PHKB: variants seen among roughly 807,000 people sequenced by gnomAD.
PHKB encodes the protein phosphorylase kinase regulatory subunit beta, also known as phosphorylase b kinase regulatory subunit beta.
In PHKB, 122 loss-of-function variants were observed where a neutral mutation model predicts 152.1. The ratio of observed to expected loss-of-function variants is 0.80; its 90% CI spans 0.69 to 0.93. The LOEUF is 0.93. Among genes scored for constraint, PHKB ranks in the 40% least tolerant of loss-of-function variants. The pLI is 0.00. For synonymous variants in PHKB, 436 were observed against 464.9 expected (o/e 0.94, Z 0.80); for missense variants, 1,304 against 1,328.4 (o/e 0.98, Z 0.29).
At chr16:47,612,007 G>C (rs142335279) in intron 14 of PHKB, among the ~76,000 whole-genome samples, 18 of 152,294 alleles carry the variant, frequency 1.2e-4, no homozygotes, top group African/African-American at 3.4e-4. Flanking sequence ...ACTTGGCGAC[G>C]TGTTGGGGAA....
chr16:47,572,769 G>C (rs749180533), intron 7 of PHKB, among the ~76,000 whole-genome samples: 8 of 152,172 alleles, frequency 5.3e-5, no homozygotes, highest in Non-Finnish European at 1.2e-4. Context: ...AATGTACTGG[G>C]TACATGAACA....
chr16:47,591,283 A>G (rs1972024656), intron 10 of PHKB, among the ~76,000 whole-genome samples: 1 of 152,078 alleles, frequency 6.6e-6, no homozygotes, highest in Non-Finnish European at 1.5e-5. Context: ...GGTGCCACAC[A>G]TCTGAAAAGC....
intron 7 of PHKB, among the ~76,000 whole-genome samples, chr16:47,579,761 G>A (rs755311896): frequency 1.1e-4 from 17 of 152,080 alleles, no homozygotes; most frequent in Non-Finnish European, 2.2e-4. Context: ...CAAAAAATAA[G>A]AGATAAGGTG....
At chr16:47,570,268 C>T (rs1971635769) in intron 7 of PHKB, among the ~76,000 whole-genome samples, 1 of 152,144 alleles carries the variant, frequency 6.6e-6, no homozygotes, top group Non-Finnish European at 1.5e-5. Flanking sequence ...TGGTGATCTC[C>T]TTTTTTCAAT....
chr16:47,669,094 C>G, intron 25 of PHKB, 121 bp from the exon 26 acceptor site: 2 of 716,658 alleles, frequency 2.8e-6, no homozygotes, highest in Non-Finnish European at 4.9e-6. Flanking sequence ...GTTATTCTAC[C>G]TAATTCCCTA....
intron 6 of PHKB, among the ~76,000 whole-genome samples, chr16:47,520,226 TAGAA>T (rs1970662916): frequency 6.6e-6 from 1 of 152,190 alleles, no homozygotes; most frequent in Non-Finnish European, 1.5e-5. Context: ...CCTCTAAAAA[TAGAA>T]AGATAACACT....
intron 14 of PHKB, among the ~76,000 whole-genome samples, chr16:47,623,986 G>A (rs897094972): frequency 5.3e-5 from 8 of 152,280 alleles, no homozygotes; most frequent in Middle Eastern, 3.4e-3. Context: ...TAATGCCTAA[G>A]AAACCTGCCT....
chr16:47,518,730 G>A (rs1340334809), intron 6 of PHKB, among the ~76,000 whole-genome samples: 3 of 152,054 alleles, frequency 2.0e-5, no homozygotes, highest in Non-Finnish European at 2.9e-5. Flanking sequence ...ACTGCTGTTT[G>A]CTTTCTTCAT....
At chr16:47,663,163 G>T (rs1283170442) in intron 23 of PHKB, among the ~76,000 whole-genome samples, 1 of 152,024 alleles carries the variant, frequency 6.6e-6, no homozygotes, top group Non-Finnish European at 1.5e-5. Flanking sequence ...GTCACATTGT[G>T]ATTTTACGGG....
chr16:47,508,378 A>G (rs916951055), intron 4 of PHKB, among the ~76,000 whole-genome samples: 17 of 152,178 alleles, frequency 1.1e-4, no homozygotes, highest in African/African-American at 3.6e-4. Context: ...TCAATCTGCA[A>G]TTAGTTTGGA....
chr16:47,561,709 T>G (rs1971478797), intron 7 of PHKB: 1 of 152,188 alleles, frequency 6.6e-6, no homozygotes, highest in African/African-American at 2.4e-5. Context: ...ATAGCAATTA[T>G]TTTCTCCTCT....
chr16:47,548,023 AG>A (rs959218972), intron 7 of PHKB: 57 of 173,416 alleles, frequency 3.3e-4, no homozygotes, highest in African/African-American at 1.3e-3. Flanking sequence ...GTTACCAGTA[AG>A]GTGTGTGATC....
At chr16:47,540,262 C>T (rs745872265) in intron 6 of PHKB, among the ~76,000 whole-genome samples, 68 of 148,556 alleles carry the variant, frequency 4.6e-4, no homozygotes, top group Non-Finnish European at 6.1e-4. Context: ...CCCCCCTCCC[C>T]GGTAAATTTG....
At chr16:47,675,748 A>C (rs1441486036) in intron 26 of PHKB, 2 of 152,162 alleles carry the variant, frequency 1.3e-5, no homozygotes, top group East Asian at 3.9e-4. Context: ...GCCATCTAAC[A>C]TGATGTCACC....
chr16:47,629,597 A>T (rs1285326911), intron 14 of PHKB, among the ~76,000 whole-genome samples: 6 of 150,144 alleles, frequency 4.0e-5, no homozygotes, highest in Non-Finnish European at 9.0e-5. Flanking sequence ...TAGTTCAACC[A>T]TTGTGGAAGT....
intron 1 of PHKB, among the ~76,000 whole-genome samples, chr16:47,474,471 G>A (rs1248233583): frequency 6.6e-6 from 1 of 151,910 alleles, no homozygotes; most frequent in Non-Finnish European, 1.5e-5. Context: ...TTAGCTACCT[G>A]GTATGTTTTG....
rs780765727 is a variant in PHKB at position 47,594,115 on chromosome 16, GATTTTAT to G, written c.1127-8_1127-2del. The G allele has an allele frequency of 9.2e-6, 12 of 1,307,668 alleles. No homozygotes were observed. Among genetic ancestry groups the G allele is most frequent in the Admixed American group, 1.7e-5 (1 of 59,250 alleles). 81.0% of individuals were successfully genotyped at this position (1,307,668 alleles called of 1,614,324 possible). ...TCCTTATTAAGCTCAGCTGCTATTG[GATTTTAT>G]ATTTTATATTTTAGGAGTTTTTAGA... On this transcript the variant is annotated splice_polypyrimidine_tract_variant and intron_variant, in intron 11 of 30. Coordinates refer to ENST00000323584, the MANE Select transcript of PHKB (RefSeq NM_000293.3).
intron 7 of PHKB, among the ~76,000 whole-genome samples, chr16:47,558,519 A>G (rs1333990445): frequency 2.0e-5 from 3 of 152,184 alleles, no homozygotes; most frequent in Non-Finnish European, 4.4e-5. Context: ...ATTTTACTCT[A>G]GTTCAGATAC....
intron 14 of PHKB, among the ~76,000 whole-genome samples, chr16:47,612,459 A>G (rs567808379): frequency 6.6e-6 from 1 of 152,314 alleles, no homozygotes; most frequent in Non-Finnish European, 1.5e-5. Context: ...GGTGTACAAT[A>G]TACTACTTGC....
Sources: gnomAD v4.1 joint callset for allele counts (sites outside exome capture counted in the v4.1 genomes callset) on GRCh38, gnomAD v4.1.1 for gene constraint, MANE v1.5 for transcripts, NCBI Gene and HGNC (gene_info 2026-07-23, HGNC 2026-07-21) for gene names.